Variants in CMTM7 observed in about 807,000 individuals in gnomAD.
The protein encoded by CMTM7 is CKLF like MARVEL transmembrane domain containing 7.
A neutral mutation model predicts 19.3 loss-of-function variants in CMTM7; 7 were observed. That is an observed-to-expected ratio of 0.36 (90% CI 0.21 to 0.68). The LOEUF (loss-of-function observed/expected upper bound fraction) is 0.68. Among genes scored for constraint, CMTM7 ranks in the 30% least tolerant of loss-of-function variants. CMTM7 has a pLI of 0.60. For missense variants in CMTM7, 193 were observed against 232.6 expected (o/e 0.83, Z 1.11); for synonymous variants, 87 against 99.3 (o/e 0.88, Z 0.74).
intron 1 of CMTM7, among the ~76,000 whole-genome samples, chr3:32,420,284 T>C (rs1278552120): frequency 6.6e-6 from 1 of 152,196 alleles, no homozygotes; most frequent in East Asian, 1.9e-4. Context: ...TCATGGGGAC[T>C]GAAAGGCCTT....
At chr3:32,407,348 T>G (rs1207692366) in intron 1 of CMTM7, among the ~76,000 whole-genome samples, 2 of 152,118 alleles carry the variant, frequency 1.3e-5, no homozygotes, top group Non-Finnish European at 2.9e-5. Flanking sequence ...ATTTTTCAAC[T>G]CTCATTTGAA....
At chr3:32,414,200 A>G (rs959217615) in intron 1 of CMTM7, among the ~76,000 whole-genome samples, 1 of 152,104 alleles carries the variant, frequency 6.6e-6, no homozygotes, top group African/African-American at 2.4e-5. Context: ...TCTTTCTCAG[A>G]GTCTATTTCC....
chr3:32,419,982 A>G (rs1393600865), intron 1 of CMTM7, among the ~76,000 whole-genome samples: 1 of 152,202 alleles, frequency 6.6e-6, no homozygotes, highest in African/African-American at 2.4e-5. Context: ...ACATGTTAGA[A>G]AAACTTGAAG....
intron 1 of CMTM7, among the ~76,000 whole-genome samples, chr3:32,414,932 A>G (rs976141044): frequency 6.6e-6 from 1 of 152,170 alleles, no homozygotes; most frequent in Non-Finnish European, 1.5e-5. Flanking sequence ...GCTAAGAGGC[A>G]ATGGGAATTT....
rs935049096 is a variant in CMTM7 at position 32,454,593 on chromosome 3, G to A, written c.*339G>A. 29 of 499,460 alleles carry A rather than the reference G, an allele frequency of 5.8e-5. No individual in the cohort carries two copies. The highest frequency in any genetic ancestry group is 3.7e-4 in the African/African-American group (19 of 51,926). 30.9% of individuals were successfully genotyped at this position (499,460 alleles called of 1,614,324 possible). A position where few individuals can be genotyped will look rare whatever the true frequency, so the allele number is the denominator to read the frequency against. ...GCTGAAGGGGTTTGTGAATACTCCCGCCTAAATCCCTTCTACTTCACTCCT... is the reference window on the plus strand; with the variant it reads ...GCTGAAGGGGTTTGTGAATACTCCCACCTAAATCCCTTCTACTTCACTCCT... On this transcript the variant is annotated 3_prime_UTR_variant, in exon 5 of 5. Transcript: ENST00000334983.
At chr3:32,415,361 C>T (rs577984877) in intron 1 of CMTM7, among the ~76,000 whole-genome samples, 2 of 152,334 alleles carry the variant, frequency 1.3e-5, no homozygotes, top group East Asian at 3.9e-4. Flanking sequence ...TGCCTTGTGT[C>T]AAGCAAACCA....
At chr3:32,440,143 A>G (rs916542540) in intron 1 of CMTM7, among the ~76,000 whole-genome samples, 2 of 152,106 alleles carry the variant, frequency 1.3e-5, no homozygotes, top group Admixed American at 1.3e-4. Context: ...GTGGTGGCTC[A>G]CACCTGTAAT....
chr3:32,410,090 C>G (rs1247187596), intron 1 of CMTM7, among the ~76,000 whole-genome samples: 1 of 152,182 alleles, frequency 6.6e-6, no homozygotes, highest in Non-Finnish European at 1.5e-5. Flanking sequence ...TGGACTGCCC[C>G]CTCTCCTGCC....
At chr3:32,399,783 C>T (rs529315926) in intron 1 of CMTM7, among the ~76,000 whole-genome samples, 4 of 152,092 alleles carry the variant, frequency 2.6e-5, no homozygotes, top group Admixed American at 2.0e-4. Context: ...ACCTCACTGC[C>T]AAGATTCTTT....
intron 1 of CMTM7, among the ~76,000 whole-genome samples, chr3:32,402,555 G>GTTTAT (rs1228586459): frequency 1.1e-4 from 16 of 152,132 alleles, no homozygotes; most frequent in South Asian, 2.1e-4. Flanking sequence ...ATTCTATTTT[G>GTTTAT]TTTATTTTAT....
chr3:32,422,142 C>T (rs1575116383), intron 1 of CMTM7, among the ~76,000 whole-genome samples: 3 of 152,364 alleles, frequency 2.0e-5, no homozygotes, highest in Admixed American at 2.0e-4. Context: ...GTGATGATCA[C>T]ACGTTCTCAA....
At chr3:32,410,649 A>G (rs1480950907) in intron 1 of CMTM7, among the ~76,000 whole-genome samples, 2 of 152,194 alleles carry the variant, frequency 1.3e-5, no homozygotes, top group East Asian at 1.9e-4. Context: ...ATGCCTAGCA[A>G]AGAGAGGCTA....
rs569991620 is a variant in CMTM7 at position 32,402,081 on chromosome 3, TTTTG to T, written c.159+10024_159+10027del. ...CTCTTTAGTTTACTTTAAGCAAAGG[TTTTG>T]TTTGTTTATTTGTTTGTTTGGTTTT... is the stretch of plus-strand genomic sequence containing the variant. On this transcript the variant is annotated intron_variant, in intron 1 of 4. Transcript: ENST00000334983. Among the ~76,000 whole-genome samples the T allele has an allele frequency of 8.6e-5, 13 of 151,990 alleles. No homozygotes were observed. In the East Asian group the frequency reaches 2.1e-3, roughly 25 times the overall value.
chr3:32,454,309 T>G lies in CMTM7; in HGVS notation c.*55T>G. The G allele has an allele frequency of 6.2e-7, 1 of 1,609,630 alleles. No individual in the cohort carries two copies. Among genetic ancestry groups the G allele is most frequent in the Non-Finnish European group, 8.5e-7 (1 of 1,176,050 alleles). On this transcript the variant is annotated 3_prime_UTR_variant, in exon 5 of 5. Transcript: ENST00000334983. Reference sequence around the variant, plus strand: ...GCTTTGCAGAGAGGAGGACGTGTACTCCAGGCGAGGCCTCTGGACCTGTGT... The same window carrying G: ...GCTTTGCAGAGAGGAGGACGTGTACGCCAGGCGAGGCCTCTGGACCTGTGT...
At chr3:32,454,144 C>A in intron 4 of CMTM7, 97 bp from the exon 5 acceptor site, 1 of 1,278,118 alleles carries the variant, frequency 7.8e-7, no homozygotes, top group Non-Finnish European at 1.1e-6. Flanking sequence ...GACACAGGTG[C>A]CCCCCTGAGC....
intron 1 of CMTM7, among the ~76,000 whole-genome samples, chr3:32,423,240 A>G (rs17029459): frequency 0.12 from 18,387 of 152,222 alleles, 1,191 homozygotes; most frequent in South Asian, 0.2. Context: ...AAGTGGTCAG[A>G]TAATTGCATT....
chr3:32,419,868 T>C (rs1360770463), intron 1 of CMTM7, among the ~76,000 whole-genome samples: 2 of 152,232 alleles, frequency 1.3e-5, no homozygotes, highest in South Asian at 2.1e-4. Flanking sequence ...TTTTGAGATA[T>C]TCATGTATTC....
intron 1 of CMTM7, among the ~76,000 whole-genome samples, chr3:32,432,822 C>A (rs773746040): frequency 6.6e-6 from 1 of 152,158 alleles, no homozygotes; most frequent in Non-Finnish European, 1.5e-5. Context: ...ATAGCAGATA[C>A]CCTTCTCTTT....
Position 32,392,227 on chromosome 3 carries a change from G to A in CMTM7, c.159+162G>A, listed in dbSNP as rs1002137231. On this transcript the variant is annotated intron_variant, in intron 1 of 4. Transcript: ENST00000334983. ...CTAAAGTTCGCGGCAGGCTTCCTCC[G>A]GGAAAGTTGCTGCCGCAGCCCCCGC... Among the ~76,000 whole-genome samples, 4 of 132,624 alleles carry A rather than the reference G, an allele frequency of 3.0e-5. No homozygotes were observed. In the Admixed American group the frequency reaches 3.1e-4, roughly 10 times the overall value. The allele number at this position is 132,624 out of a possible 152,430, so 87.0% of individuals were successfully genotyped here.
Sources: allele counts gnomAD v4.1 joint callset (sites outside exome capture counted in the v4.1 genomes callset), GRCh38; gene constraint gnomAD v4.1.1; transcripts MANE v1.5; gene names NCBI Gene and HGNC (gene_info 2026-07-23, HGNC 2026-07-21).